Variants in FLT1 observed in about 807,000 individuals in gnomAD.
The protein encoded by FLT1 is vascular endothelial growth factor receptor 1.
In FLT1, 49 loss-of-function variants were observed where a neutral mutation model predicts 156.3. The observed-to-expected ratio is 0.31, with a 90% CI of 0.25 to 0.40. FLT1 has a LOEUF of 0.40. Ranked by LOEUF, FLT1 falls within the 10% of genes least tolerant of loss-of-function variation. FLT1 has a pLI of 1.00. For missense variants in FLT1, 1,322 were observed against 1,637.2 expected, an observed-to-expected ratio of 0.81 and a Z score of 3.32; for synonymous variants, 594 against 583.8, an observed-to-expected ratio of 1.02 and a Z score of -0.25.
At chr13:28,412,322 TTTCTTTCTTTTCTTTCTTTCTTTCTTTC>T (rs1876263592) in intron 10 of FLT1, among the ~76,000 whole-genome samples, 1 of 36,286 alleles carries the variant, frequency 2.8e-5, no homozygotes, top group Non-Finnish European at 7.0e-5. Context: ...TCTTTCTTTC[TTTCTTTCTTTTCTTTCTTTCTTTCTTTC>T]TCTTTCTTTC....
At chr13:28,393,006 T>C (rs1298523945) in intron 12 of FLT1, among the ~76,000 whole-genome samples, 10 of 152,310 alleles carry the variant, frequency 6.6e-5, no homozygotes, top group African/African-American at 1.9e-4. Flanking sequence ...TTGACTTTTT[T>C]TTTTAGTCTG....
chr13:28,472,139 C>G (rs114024746), intron 1 of FLT1, among the ~76,000 whole-genome samples: 27 of 152,334 alleles, frequency 1.8e-4, no homozygotes, highest in African/African-American at 6.5e-4. Flanking sequence ...CAAATCCCTT[C>G]TCTCCTTTCG....
intron 3 of FLT1, chr13:28,466,645 T>C (rs1879860600): frequency 1.3e-5 from 7 of 531,572 alleles, no homozygotes; most frequent in Non-Finnish European, 2.4e-5. Context: ...GGCCACATAC[T>C]GTGCTAGGAG....
intron 1 of FLT1, among the ~76,000 whole-genome samples, chr13:28,490,698 T>A (rs1284896891): frequency 6.6e-6 from 1 of 152,178 alleles, no homozygotes; most frequent in Non-Finnish European, 1.5e-5. Context: ...TCTACCAAAT[T>A]GCTTAAACCA....
intron 1 of FLT1, among the ~76,000 whole-genome samples, chr13:28,475,135 G>A (rs145061679): frequency 3.7e-4 from 57 of 152,136 alleles, no homozygotes; most frequent in Middle Eastern, 3.4e-3. Flanking sequence ...TCCCTCCCCC[G>A]TTACAATCTT....
intron 1 of FLT1, among the ~76,000 whole-genome samples, chr13:28,469,486 G>T (rs146120520): frequency 6.6e-6 from 1 of 152,148 alleles, no homozygotes. Context: ...TTAATTGGCT[G>T]CTCCTCAGGC....
At chr13:28,389,146 T>TA (rs5802479) in intron 13 of FLT1, 3,098 of 994,470 alleles carry the variant, frequency 3.1e-3, no homozygotes, top group Middle Eastern at 4.0e-3. Context: ...GTGCTTAACG[T>TA]AAAAAAAAAA....
chr13:28,462,904 G>A (rs946169908), intron 3 of FLT1, among the ~76,000 whole-genome samples: 4 of 152,172 alleles, frequency 2.6e-5, no homozygotes, highest in East Asian at 1.9e-4. Context: ...TGCCCCTTCC[G>A]ACCTCCTCCT....
chr13:28,334,207 T>G (rs1872032276), intron 17 of FLT1, 78 bp from the exon 18 acceptor site: 3 of 923,988 alleles, frequency 3.2e-6, no homozygotes, highest in East Asian at 2.4e-5. Flanking sequence ...AGGAAATGCC[T>G]TTTCCTATGT....
intron 14 of FLT1, among the ~76,000 whole-genome samples, chr13:28,379,160 T>A (rs937915092): frequency 3.9e-5 from 6 of 152,082 alleles, no homozygotes; most frequent in Admixed American, 2.0e-4. Context: ...CTGGCCAACA[T>A]GGTGAAACCC....
chr13:28,437,879 T>A (rs1566027402), intron 4 of FLT1, among the ~76,000 whole-genome samples: 2 of 152,214 alleles, frequency 1.3e-5, no homozygotes, highest in Non-Finnish European at 2.9e-5. Flanking sequence ...ATCTGGATAA[T>A]CCACTCTCTG....
chr13:28,340,214 TAA>T (rs58243230), intron 16 of FLT1, among the ~76,000 whole-genome samples: 30 of 134,826 alleles, frequency 2.2e-4, no homozygotes, highest in African/African-American at 4.6e-4. Flanking sequence ...GACTCTGTCT[TAA>T]AAAAAAAAAA....
chr13:28,451,048 A>G (rs1878904505), intron 3 of FLT1, among the ~76,000 whole-genome samples: 1 of 152,210 alleles, frequency 6.6e-6, no homozygotes, highest in Non-Finnish European at 1.5e-5. Context: ...GCGGAAACCA[A>G]GCTTCAGTCA....
Position 28,356,162 on chromosome 13 carries a change from G to A in FLT1, c.2248+1392C>T, listed in dbSNP as rs915130719. On this transcript the variant is annotated intron_variant, in intron 15 of 29. Transcript: ENST00000282397. ...GCCATGACTAGACTGTGTGAGTTGG[G>A]TGAGTCAGTTCAGACCTCTCTGGAG... 4.6e-5 allele frequency among the ~76,000 whole-genome samples: 7 copies of A among 152,184 alleles called. No homozygotes were observed. In the South Asian group the frequency reaches 6.2e-4, roughly 13 times the overall value.
chr13:28,392,906 A>G (rs1344364207), intron 12 of FLT1, among the ~76,000 whole-genome samples: 4 of 152,106 alleles, frequency 2.6e-5, no homozygotes, highest in African/African-American at 7.2e-5. Context: ...AGAAATGACT[A>G]TTTCTCAGTC....
intron 17 of FLT1, among the ~76,000 whole-genome samples, chr13:28,336,538 G>T (rs1236713849): frequency 6.6e-6 from 1 of 152,168 alleles, no homozygotes; most frequent in Non-Finnish European, 1.5e-5. Context: ...GACTGGCCAG[G>T]GGCCCTGGAC....
chr13:28,435,661 T>C (rs1877985138), intron 4 of FLT1, among the ~76,000 whole-genome samples: 1 of 152,230 alleles, frequency 6.6e-6, no homozygotes, highest in South Asian at 2.1e-4. Flanking sequence ...AAGGCGCTGA[T>C]CTGGATTTGT....
At chr13:28,448,050 C>T (rs1406175890) in intron 3 of FLT1, among the ~76,000 whole-genome samples, 1 of 152,120 alleles carries the variant, frequency 6.6e-6, no homozygotes, top group Non-Finnish European at 1.5e-5. Flanking sequence ...CCAATCAAAA[C>T]CACAATGAGA....
chr13:28,372,566 G>GTATACATATATATATATATA (rs1555232433), intron 14 of FLT1, among the ~76,000 whole-genome samples: 21 of 91,454 alleles, frequency 2.3e-4, no homozygotes, highest in Admixed American at 1.6e-3. Flanking sequence ...TAAATAAAAT[G>GTATACATATATATATATATA]TATATATATA....
Sources: gnomAD v4.1 joint callset for allele counts (sites outside exome capture counted in the v4.1 genomes callset) on GRCh38, gnomAD v4.1.1 for gene constraint, MANE v1.5 for transcripts, NCBI Gene and HGNC (gene_info 2026-07-23, HGNC 2026-07-21) for gene names.